Variants in SLCO6A1 observed in about 807,000 individuals in gnomAD.
SLCO6A1 encodes cancer/testis antigen 48.
A neutral mutation model predicts 72.7 loss-of-function variants in SLCO6A1; 65 were observed. The ratio of observed to expected loss-of-function variants is 0.89; its 90% CI spans 0.73 to 1.10. SLCO6A1 has a LOEUF of 1.10. Ranked by LOEUF, SLCO6A1 falls within the 50% of genes least tolerant of loss-of-function variation. The probability of loss-of-function intolerance (pLI) is 0.00; values close to 1 mark genes in which losing one functional copy is unlikely to be tolerated. For missense variants in SLCO6A1, 874 were observed against 872.6 expected (o/e 1.00, Z -0.02); for synonymous variants, 314 against 298.2 (o/e 1.05, Z -0.55).
chr5:102,375,915 A>G (rs532085196), intron 12 of SLCO6A1, among the ~76,000 whole-genome samples: 30 of 152,266 alleles, frequency 2.0e-4, no homozygotes, highest in African/African-American at 6.5e-4. Flanking sequence ...GAAGACATCA[A>G]CCCATGGATC....
At chr5:102,449,006 T>C (rs1348381293) in intron 6 of SLCO6A1, among the ~76,000 whole-genome samples, 2 of 152,212 alleles carry the variant, frequency 1.3e-5, no homozygotes, top group Non-Finnish European at 2.9e-5. Context: ...AGTAATGGTG[T>C]TTCATTTCCA....
chr5:102,424,398 G>C (rs1469190919), intron 7 of SLCO6A1, among the ~76,000 whole-genome samples: 1 of 151,784 alleles, frequency 6.6e-6, no homozygotes, highest in Non-Finnish European at 1.5e-5. Flanking sequence ...AAAGAAAAGA[G>C]GGAAGAATCA....
At chr5:102,482,870 C>A (rs1463702936) in intron 1 of SLCO6A1, among the ~76,000 whole-genome samples, 1 of 152,104 alleles carries the variant, frequency 6.6e-6, no homozygotes, top group African/African-American at 2.4e-5. Context: ...CATAACAGAA[C>A]CAGAACTATA....
At position 102,399,735 on chromosome 5, in the gene SLCO6A1, TA is replaced by T; in HGVS notation, c.1633del (p.Tyr545ThrfsTer10). 6.4e-7 allele frequency: 1 copy of T among 1,572,356 alleles called. No individual in the cohort carries two copies. The highest frequency in any genetic ancestry group is 8.7e-7 in the Non-Finnish European group (1 of 1,155,132). ...SKAQNQKKMYYNCSCIKEGLI... is the reference protein window; with the variant it reads ...SKAQNQKKMYXNCSCIKEGLI... Reference sequence around the variant, plus strand: ...TCCTTCTTTAATGCAAGAACAATTGTAGTACATCTGTGAGTATTGAAGACAG... The same window carrying T: ...TCCTTCTTTAATGCAAGAACAATTGTGTACATCTGTGAGTATTGAAGACAG... On this transcript the variant is annotated frameshift_variant, in exon 10 of 14. Coordinates refer to ENST00000506729, the MANE Select transcript of SLCO6A1 (RefSeq NM_173488.5). LOFTEE classifies it high-confidence loss of function.
At chr5:102,399,513 T>A (rs1322367007) in intron 10 of SLCO6A1, 42 bp downstream of exon 10, 4 of 1,189,568 alleles carry the variant, frequency 3.4e-6, no homozygotes, top group African/African-American at 3.2e-5. Flanking sequence ...TTACTTTTCT[T>A]ATATATTAAA....
Position 102,480,306 on chromosome 5 carries a change from C to G in SLCO6A1, c.487G>C (p.Ala163Pro), listed in dbSNP as rs759401777. 1 of 1,613,352 alleles carries G rather than the reference C, an allele frequency of 6.2e-7. No homozygotes were observed. The highest frequency in any genetic ancestry group is 1.3e-5 in the African/African-American group (1 of 74,890). Residue 163 changes from alanine to proline, a missense_variant, in exon 2 of 14, where the codon GCA (alanine) becomes CCA (proline). By Grantham distance (27) the Ala-to-Pro change is conservative (BLOSUM62 -1). Coordinates refer to ENST00000506729, the MANE Select transcript of SLCO6A1 (RefSeq NM_173488.5). ...ISSGLVAIFI[A>P]FYGDRKKVIW... ...ACTTTTTTTCTGTCTCCATAGAATG[C>G]TATAAATATTGCTACCAGGCCAGAT... is the stretch of plus-strand genomic sequence containing the variant.
chr5:102,390,483 T>C, intron 11 of SLCO6A1, among the ~76,000 whole-genome samples: 1 of 152,194 alleles, frequency 6.6e-6, no homozygotes, highest in East Asian at 1.9e-4. Flanking sequence ...ATGGTCATAA[T>C]GTGCATTTGA....
chr5:102,498,449 C>G, intron 1 of SLCO6A1, 38 bp downstream of exon 1: 2 of 1,576,174 alleles, frequency 1.3e-6, no homozygotes, highest in Non-Finnish European at 1.7e-6. Flanking sequence ...GCGGCCCCAG[C>G]TGCCCTCGCC....
At chr5:102,402,685 C>T (rs1747466071) in intron 9 of SLCO6A1, among the ~76,000 whole-genome samples, 1 of 152,080 alleles carries the variant, frequency 6.6e-6, no homozygotes, top group Non-Finnish European at 1.5e-5. Flanking sequence ...CCCACCATGA[C>T]AATAACAAAC....
chr5:102,450,228 T>A (rs554230250), intron 6 of SLCO6A1, among the ~76,000 whole-genome samples: 2 of 152,330 alleles, frequency 1.3e-5, no homozygotes, highest in Non-Finnish European at 2.9e-5. Context: ...CCAGGCTTTT[T>A]GTGCTGGTTC....
At chr5:102,414,605 C>T (rs369866197) in intron 8 of SLCO6A1, among the ~76,000 whole-genome samples, 1 of 152,124 alleles carries the variant, frequency 6.6e-6, no homozygotes, top group Non-Finnish European at 1.5e-5. Flanking sequence ...TAGCTGAGAA[C>T]AAGCCAGGCC....
chr5:102,479,004 T>G (rs1208546156), intron 2 of SLCO6A1, among the ~76,000 whole-genome samples: 1 of 152,180 alleles, frequency 6.6e-6, no homozygotes, highest in Non-Finnish European at 1.5e-5. Flanking sequence ...TTCCTTGAAC[T>G]TTTTTCCTGT....
chr5:102,397,228 ATT>A (rs916657560), intron 10 of SLCO6A1, among the ~76,000 whole-genome samples: 2 of 152,030 alleles, frequency 1.3e-5, no homozygotes, highest in Non-Finnish European at 2.9e-5. Flanking sequence ...GTTACTTGTA[ATT>A]TTGTCCATAG....
intron 12 of SLCO6A1, among the ~76,000 whole-genome samples, chr5:102,383,483 T>C (rs1287640393): frequency 1.3e-5 from 2 of 151,780 alleles, no homozygotes; most frequent in South Asian, 2.1e-4. Flanking sequence ...TATTTTATTA[T>C]GGAATATCAC....
rs931393966 is a variant in SLCO6A1, at chr5:102,388,932, A to G, written c.1880-107T>C. 5 of 951,116 alleles carry G rather than the reference A, an allele frequency of 5.3e-6. No homozygotes were observed. The East Asian group carries it at 1.2e-4, about 23-fold the overall frequency. 58.9% of individuals were successfully genotyped at this position (951,116 alleles called of 1,614,324 possible). A position where few individuals can be genotyped will look rare whatever the true frequency, so the allele number is the denominator to read the frequency against. On this transcript the variant is annotated intron_variant, in intron 11 of 13. Transcript: ENST00000506729. ...TGAATGACGACTCATCATTCAAAAC[A>G]TATCACTTAAAATTAGCTAATAATT... is the stretch of plus-strand genomic sequence containing the variant.
intron 9 of SLCO6A1, among the ~76,000 whole-genome samples, chr5:102,402,434 T>C (rs1356792295): frequency 6.6e-6 from 1 of 152,064 alleles, no homozygotes; most frequent in East Asian, 1.9e-4. Flanking sequence ...CAATGGAGAA[T>C]TGGGAAAAAG....
chr5:102,383,859 CTT>C (rs1746260129), intron 12 of SLCO6A1, among the ~76,000 whole-genome samples: 1 of 151,790 alleles, frequency 6.6e-6, no homozygotes, highest in Non-Finnish European at 1.5e-5. Flanking sequence ...TAATTCAACT[CTT>C]AATTCATTAT....
chr5:102,390,531 A>G (rs77719120), intron 11 of SLCO6A1, among the ~76,000 whole-genome samples: 1,895 of 152,326 alleles, frequency 0.012, 41 homozygotes, highest in African/African-American at 0.043. Context: ...CAAAGAAAAT[A>G]GTACATTACC....
At chr5:102,416,198 C>A (rs1026493023) in intron 8 of SLCO6A1, among the ~76,000 whole-genome samples, 15 of 151,998 alleles carry the variant, frequency 9.9e-5, no homozygotes, top group African/African-American at 4.8e-5. Flanking sequence ...AGTACTCTCA[C>A]TATTGGGTAT....
Sources: gnomAD v4.1 joint callset for allele counts (sites outside exome capture counted in the v4.1 genomes callset) on GRCh38, gnomAD v4.1.1 for gene constraint, MANE v1.5 for transcripts, NCBI Gene and HGNC (gene_info 2026-07-23, HGNC 2026-07-21) for gene names.